Variants in KMT2D observed in about 807,000 individuals in gnomAD.
The protein encoded by KMT2D is lysine methyltransferase 2D.
A neutral mutation model predicts 512.7 loss-of-function variants in KMT2D; 55 were observed. The ratio of observed to expected loss-of-function variants is 0.11; its 90% confidence interval spans 0.09 to 0.13. The LOEUF (loss-of-function observed/expected upper bound fraction) is 0.13. Among genes scored for constraint, KMT2D ranks in the 10% least tolerant of loss-of-function variants. The pLI is 1.00. For missense variants in KMT2D, 6,061 were observed against 7,127.9 expected (o/e 0.85, Z 5.39); for synonymous variants, 2,995 against 2,904.0 (o/e 1.03, Z -1.01).
chr12:49,054,183 C>T lies in KMT2D; in HGVS notation c.511-43G>A, dbSNP rs922856978. 1.9e-6 allele frequency: 3 copies of T among 1,553,200 alleles called. No homozygotes were observed. The South Asian group carries it at 3.6e-5, about 18-fold the overall frequency. ...GAGCCTCAGTGTCAGCCAGCTCTCC[C>T]CAGACAAACAGTTCAGGCACTAGCT... On this transcript the variant is annotated intron_variant, in intron 5 of 54. Coordinates refer to ENST00000301067, the MANE Select transcript of KMT2D (RefSeq NM_003482.4). The surrounding 1 kb of genome is among the most constrained non-coding windows in gnomAD (Gnocchi z 6.4).
rs2120449038 is a variant in KMT2D, at chr12:49,033,908, C to T, written c.10797G>A (p.Gln3599=). 1 of 1,543,054 alleles carries T rather than the reference C, an allele frequency of 6.5e-7. No homozygotes were observed. Among genetic ancestry groups the T allele is most frequent in the Non-Finnish European group, 8.7e-7 (1 of 1,144,088 alleles). Residue 3599 remains glutamine (Q), a synonymous_variant, in exon 40 of 55, where the codon CAG becomes CAA. Transcript: ENST00000301067. ...GCTGCTGCTGCTGCTGTTGTTGCTG[C>T]TGCTTGTTCCGATATTCTGCCATGA... ...TNLMAEYRNK[Q]QQQQQQQQQQ...
intron 36 of KMT2D, 64 bp from the exon 37 acceptor site, chr12:49,034,730 G>C (rs139100993): frequency 6.2e-7 from 1 of 1,606,654 alleles, no homozygotes; most frequent in Non-Finnish European, 8.5e-7. Context: ...GCAAAGAGAC[G>C]TGGGACAAGT....
intron 7 of KMT2D, 53 bp from the exon 8 acceptor site, chr12:49,053,374 T>C (rs1441486318): frequency 8.1e-6 from 13 of 1,605,308 alleles, no homozygotes; most frequent in Non-Finnish European, 1.1e-5. Context: ...ATTTCCTTTC[T>C]TTTTTGTTGT....
At chr12:49,027,534 C>A (rs1205522965) in intron 48 of KMT2D, among the ~76,000 whole-genome samples, 1 of 152,160 alleles carries the variant, frequency 6.6e-6, no homozygotes, top group East Asian at 1.9e-4. Context: ...ACTGCAACCT[C>A]TGCCTCCTGG....
chr12:49,038,455 G>T lies in KMT2D; in HGVS notation c.8901C>A (p.Pro2967=). The part of the protein sequence containing the change: ...LPTGLELVNR[P]PSSTELGRPN... ...GGCGGCCAAGCTCAGTGCTCGACGG[G>T]GGCCGGTTGACCAGCTCCAAACCAG... The change falls in exon 35 of 55, where the codon CCC becomes CCA. Residue 2967 remains proline, a synonymous_variant. Coordinates refer to ENST00000301067, the MANE Select transcript of KMT2D (RefSeq NM_003482.4). This position sits in a 1 kb window ranked among gnomAD's most constrained non-coding sequence, Gnocchi z 5.7. 1.2e-6 allele frequency: 2 copies of T among 1,609,228 alleles called. No individual in the cohort carries two copies. Among genetic ancestry groups the T allele is most frequent in the Non-Finnish European group, 1.7e-6 (2 of 1,176,690 alleles).
chr12:49,030,300 T>C lies in KMT2D; in HGVS notation c.13979A>G (p.Asp4660Gly). 3 of 1,581,306 alleles carry C rather than the reference T, an allele frequency of 1.9e-6. No individual in the cohort carries two copies. Among genetic ancestry groups the C allele is most frequent in the Non-Finnish European group, 1.7e-6 (2 of 1,162,950 alleles). Reference protein sequence around the residue: ...EHPKDAASARDSERALRDTSE... With the variant: ...EHPKDAASARGSERALRDTSE... ...CTTACCCCTCAGTGCCCTTTCACTA[T>C]CCCGGGCAGAGGCAGCATCCTTGGG... is the stretch of plus-strand genomic sequence containing the variant. The change falls in exon 43 of 55, where the codon GAT (aspartate) becomes GGT (glycine). Residue 4660 changes from aspartate to glycine, a missense_variant. By Grantham distance (94) the Asp-to-Gly change is moderately conservative (BLOSUM62 -1). This residue lies in a region of KMT2D where 1,600 missense variants were observed against 1,754.9 expected (regional missense o/e 0.91). Coordinates refer to ENST00000301067, the MANE Select transcript of KMT2D (RefSeq NM_003482.4).
chr12:49,031,133 T>C (rs752471960), intron 40 of KMT2D, 42 bp downstream of exon 40: 1 of 1,608,728 alleles, frequency 6.2e-7, no homozygotes, highest in African/African-American at 1.3e-5. Flanking sequence ...CCGCTGGCTC[T>C]AGGACCCACT....
chr12:49,049,259 G>A (rs777792309), intron 12 of KMT2D, 41 bp from the exon 13 acceptor site: 3 of 1,302,334 alleles, frequency 2.3e-6, no homozygotes, highest in South Asian at 1.3e-5. Flanking sequence ...CATGTCAAGG[G>A]CTAGTGTGTT....
At position 49,042,687 on chromosome 12, in the gene KMT2D, T is replaced by C; in HGVS notation, c.5783-42A>G. 2 of 1,609,444 alleles carry C rather than the reference T, an allele frequency of 1.2e-6. No individual in the cohort carries two copies. Among genetic ancestry groups the C allele is most frequent in the Non-Finnish European group, 1.7e-6 (2 of 1,176,774 alleles). On this transcript the variant is annotated intron_variant, in intron 27 of 54. Coordinates refer to ENST00000301067, the MANE Select transcript of KMT2D (RefSeq NM_003482.4). The surrounding 1 kb of genome is among the most constrained non-coding windows in gnomAD (Gnocchi z 4.4). ...ATCAGAGAAAAGAGCAACTGGCCCATCCTGGAGGCAAGCTTGGTTATGTCA... is the reference window on the plus strand; with the variant it reads ...ATCAGAGAAAAGAGCAACTGGCCCACCCTGGAGGCAAGCTTGGTTATGTCA...
intron 1 of KMT2D, among the ~76,000 whole-genome samples, chr12:49,056,800 CA>C (rs1938437230): frequency 6.6e-6 from 1 of 152,204 alleles, no homozygotes; most frequent in Non-Finnish European, 1.5e-5. Flanking sequence ...ACAGATGAGA[CA>C]GGGGGAACCC....
rs765867951 is a variant in KMT2D, at chr12:49,050,236, G to A, written c.3352C>T (p.Leu1118=). The A allele has an allele frequency of 3.2e-5, 52 of 1,613,390 alleles. No homozygotes were observed. The highest frequency in any genetic ancestry group is 3.5e-5 in the Non-Finnish European group (41 of 1,179,704). Residue 1118 remains leucine, a synonymous_variant, in exon 12 of 55, where the codon CTA becomes TTA. Transcript: ENST00000301067. ...TCCAGAGGGGCTGTGTCTTCCCCTA[G>A]GCCAGAGAAGTCATCCAGGGCTGGG... The part of the protein sequence containing the change: ...PAPALDDFSG[L]GEDTAPLDGI...
rs762848312 is a variant in KMT2D, at chr12:49,039,331, G to A, written c.8257C>T (p.Pro2753Ser). 1.2e-6 allele frequency: 2 copies of A among 1,613,426 alleles called. No individual in the cohort carries two copies. The highest frequency in any genetic ancestry group is 3.3e-5 in the Admixed American group (2 of 59,940). Residue 2753 changes from proline (P) to serine (S), a missense_variant, in exon 34 of 55, where the codon CCA (proline) becomes TCA (serine). Physicochemically the swap from Pro to Ser is moderately conservative, Grantham distance 74. Coordinates refer to ENST00000301067, the MANE Select transcript of KMT2D (RefSeq NM_003482.4). This position sits in a 1 kb window ranked among gnomAD's most constrained non-coding sequence, Gnocchi z 5.0. ...QDKSSLVGLPPSKLSGPILGP... is the reference protein window; with the variant it reads ...QDKSSLVGLPSSKLSGPILGP... ...AGGATGGGGCCACTCAGCTTGCTTG[G>A]GGGCAACCCCACAAGGCTGCTCTTG...
In KMT2D at chr12:49,046,529, CCT is replaced by C; in HGVS notation, c.4418+78_4418+79del. On this transcript the variant is annotated intron_variant, in intron 16 of 54. Transcript: ENST00000301067. The surrounding 1 kb of genome is among the most constrained non-coding windows in gnomAD (Gnocchi z 4.2). ...CACCAGCCTGGCCTCCTAAACCCAG[CCT>C]CTGTCACATACTCAACATCATATCC... 1.3e-6 allele frequency: 2 copies of C among 1,574,862 alleles called. No individual in the cohort carries two copies. The highest frequency in any genetic ancestry group is 3.4e-5 in the Admixed American group (2 of 58,072).
At position 49,042,800 on chromosome 12, in the gene KMT2D, C is replaced by T. The variant is rs1323105587; in HGVS notation, c.5723G>A (p.Gly1908Asp). 1 of 1,613,880 alleles carries T rather than the reference C, an allele frequency of 6.2e-7. No individual in the cohort carries two copies. Among genetic ancestry groups the T allele is most frequent in the Non-Finnish European group, 8.5e-7 (1 of 1,179,866 alleles). The change falls in exon 27 of 55, where the codon GGT becomes GAT. Residue 1908 changes from glycine to aspartate, a missense_variant. Coordinates refer to ENST00000301067, the MANE Select transcript of KMT2D (RefSeq NM_003482.4). This position sits in a 1 kb window ranked among gnomAD's most constrained non-coding sequence, Gnocchi z 4.4. ...VLGSEREQHL[G>D]CGTPGLEGSR... ...GCCTTCTAGGCCAGGGGTTCCACAA[C>T]CCAGATGCTGTTCTCGTTCAGAGCC...
In KMT2D at chr12:49,019,731, C is replaced by A. The variant is rs1942210732; in HGVS notation, c.*2049G>T. The A allele has an allele frequency of 4.3e-6, 1 of 232,424 alleles. No individual in the cohort carries two copies. The highest frequency in any genetic ancestry group is 8.5e-6 in the Non-Finnish European group (1 of 117,410). The allele number at this position is 232,424 out of a possible 1,614,324, so 14.4% of individuals were successfully genotyped here. A position where few individuals can be genotyped will look rare whatever the true frequency, so the allele number is the denominator to read the frequency against. On this transcript the variant is annotated 3_prime_UTR_variant, in exon 55 of 55. Coordinates refer to ENST00000301067, the MANE Select transcript of KMT2D (RefSeq NM_003482.4). ...ACTGTCTGATTTAATTACAGCGGTT[C>A]CTGTGGGAGTGGGGGCTGTTATTCT...
chr12:49,048,162 C>T, intron 14 of KMT2D, 93 bp from the exon 15 acceptor site: 3 of 831,208 alleles, frequency 3.6e-6, no homozygotes, highest in African/African-American at 1.7e-5. Flanking sequence ...TGATTTGCGA[C>T]CAGAGTCAGG....
Position 49,053,543 on chromosome 12 carries a change from T to C in KMT2D, c.772A>G (p.Thr258Ala). 2 of 1,602,844 alleles carry C rather than the reference T, an allele frequency of 1.2e-6. No individual in the cohort carries two copies. Among genetic ancestry groups the C allele is most frequent in the African/African-American group, 1.3e-5 (1 of 74,760 alleles). Residue 258 changes from threonine (T) to alanine (A), a missense_variant, in exon 7 of 55, where the codon ACT (threonine) becomes GCT (alanine). This residue lies in a region of KMT2D where 160 missense variants were observed against 225.8 expected (regional missense o/e 0.71). Coordinates refer to ENST00000301067, the MANE Select transcript of KMT2D (RefSeq NM_003482.4). ...GCACGTTTGCGGGCAGTCAGAGCAG[T>C]GTCCAGGCAGGCCCCGTGATAGTGA... is the stretch of plus-strand genomic sequence containing the variant. ...GHHYHGACLD[T>A]ALTARKRAGW...
rs1237947380 is a variant in KMT2D, at chr12:49,031,970, C to T, written c.12735G>A (p.Glu4245=). Residue 4245 remains glutamate (E), a synonymous_variant, in exon 40 of 55, where the codon GAG becomes GAA. Transcript: ENST00000301067. The part of the protein sequence containing the change: ...QAVRQTPPYQ[E]PGTQTSPLQG... ...GGAGGGGAGAGGTCTGGGTCCCAGG[C>T]TCCTGGTAGGGTGGGGTCTGGCGTA... 1.9e-6 allele frequency: 3 copies of T among 1,570,978 alleles called. No homozygotes were observed. Among genetic ancestry groups the T allele is most frequent in the Non-Finnish European group, 1.7e-6 (2 of 1,156,240 alleles).
Position 49,031,460 on chromosome 12 carries a change from G to C in KMT2D, c.13245C>G (p.Ile4415Met). Residue 4415 changes from isoleucine to methionine, a missense_variant, in exon 40 of 55, where the codon ATC (isoleucine) becomes ATG (methionine). Transcript: ENST00000301067. ...ATGGCTCTTCCCGAGGTTCCTGCTT[G>C]ATGCTGAGTTGGGATGCCTCAGGCA... The part of the protein sequence containing the change: ...QVVPEASQLS[I>M]KQEPREEPCA... 2 of 1,613,776 alleles carry C rather than the reference G, an allele frequency of 1.2e-6. No individual in the cohort carries two copies. Among genetic ancestry groups the C allele is most frequent in the Non-Finnish European group, 8.5e-7 (1 of 1,179,864 alleles).
Sources: allele counts gnomAD v4.1 joint callset (sites outside exome capture counted in the v4.1 genomes callset), GRCh38; gene constraint gnomAD v4.1.1; regional missense constraint gnomAD v4.1.1; non-coding constraint Gnocchi (gnomAD v3.1); transcripts MANE v1.5; gene names NCBI Gene and HGNC (gene_info 2026-07-23, HGNC 2026-07-21).